Variants in RBFOX1 observed in about 807,000 individuals in gnomAD.
The protein encoded by RBFOX1 is RNA binding fox-1 homolog 1, also known as RNA binding protein fox-1 homolog 1.
In RBFOX1, 8 loss-of-function variants were observed where a neutral mutation model predicts 57.7. The ratio of observed to expected loss-of-function variants is 0.14; its 90% confidence interval spans 0.08 to 0.25. The LOEUF (loss-of-function observed/expected upper bound fraction) is 0.25, where lower values mean the gene tolerates loss of function less well. RBFOX1 is among the 10% of genes least tolerant of loss of function. The pLI, the probability that RBFOX1 is intolerant of heterozygous loss-of-function variation, is 1.00. For synonymous variants in RBFOX1, 326 were observed against 222.4 expected (o/e 1.47, Z -4.15); for missense variants, 611 against 548.5 (o/e 1.11, Z -1.14).
chr16:7,066,832 G>A (rs1265253574), intron 4 of RBFOX1, among the ~76,000 whole-genome samples: 2 of 152,142 alleles, frequency 1.3e-5, no homozygotes, highest in Non-Finnish European at 2.9e-5. Flanking sequence ...TGTCAACTCT[G>A]TCTTCCCAGC....
chr16:5,691,506 G>A (rs563374135), intron 3 of RBFOX1, among the ~76,000 whole-genome samples: 2 of 152,314 alleles, frequency 1.3e-5, no homozygotes, highest in South Asian at 2.1e-4. Context: ...ATTTGTGTGT[G>A]TGTACAGGTT....
At chr16:6,908,816 G>A (rs1321721484) in intron 3 of RBFOX1, among the ~76,000 whole-genome samples, 1 of 152,096 alleles carries the variant, frequency 6.6e-6, no homozygotes, top group African/African-American at 2.4e-5. Context: ...GATAAATGGA[G>A]GTGAGGTTGT....
intron 2 of RBFOX1, among the ~76,000 whole-genome samples, chr16:6,423,365 G>A (rs187901610): frequency 3.9e-5 from 6 of 152,264 alleles, no homozygotes; most frequent in East Asian, 3.9e-4. Context: ...TTGGGAGGCC[G>A]AGGCAGGCAG....
intron 4 of RBFOX1, among the ~76,000 whole-genome samples, chr16:7,109,064 GA>G (rs1342811745): frequency 2.0e-5 from 3 of 152,144 alleles, no homozygotes; most frequent in Non-Finnish European, 4.4e-5. Flanking sequence ...GCTAACTTCT[GA>G]AAATTTATTG....
chr16:7,245,762 C>T (rs1379610041), intron 4 of RBFOX1, among the ~76,000 whole-genome samples: 2 of 152,150 alleles, frequency 1.3e-5, no homozygotes, highest in South Asian at 2.1e-4. Flanking sequence ...AAAATAACTT[C>T]GGGTTGCCCT....
chr16:5,980,811 C>A (rs76912882), intron 4 of RBFOX1, among the ~76,000 whole-genome samples: 7 of 152,030 alleles, frequency 4.6e-5, no homozygotes, highest in Non-Finnish European at 8.8e-5. Context: ...CCTTTTAGCA[C>A]CAGAGGGAGC....
intron 4 of RBFOX1, among the ~76,000 whole-genome samples, chr16:7,449,152 C>T (rs1240119526): frequency 2.0e-5 from 3 of 152,078 alleles, no homozygotes; most frequent in South Asian, 2.1e-4. Context: ...TGGTCTCGAA[C>T]TCCCGACTTC....
intron 3 of RBFOX1, among the ~76,000 whole-genome samples, chr16:5,800,184 G>A (rs1259895221): frequency 1.3e-5 from 2 of 152,140 alleles, no homozygotes; most frequent in African/African-American, 2.4e-5. Flanking sequence ...AATATGCTAA[G>A]GGTAAGGGAA....
At chr16:5,505,942 G>C (rs1283250144) in intron 2 of RBFOX1, among the ~76,000 whole-genome samples, 1 of 152,100 alleles carries the variant, frequency 6.6e-6, no homozygotes, top group African/African-American at 2.4e-5. Flanking sequence ...CTCTGCTATA[G>C]ACTTTTTCTC....
At chr16:5,790,874 G>GTT (rs199561677) in intron 3 of RBFOX1, among the ~76,000 whole-genome samples, 1 of 137,812 alleles carries the variant, frequency 7.3e-6, no homozygotes, top group Non-Finnish European at 1.6e-5. Context: ...TTTTTTTTTT[G>GTT]TTTTTTTTTT....
intron 1 of RBFOX1, among the ~76,000 whole-genome samples, chr16:6,210,353 AAAAAC>A (rs2097286623): frequency 1.0e-5 from 1 of 96,646 alleles, no homozygotes; most frequent in African/African-American, 3.0e-5. Context: ...AACAAAAAAA[AAAAAC>A]ACCAAAAAAA....
intron 4 of RBFOX1, among the ~76,000 whole-genome samples, chr16:7,313,653 C>A (rs1005487573): frequency 6.6e-6 from 1 of 151,938 alleles, no homozygotes; most frequent in Admixed American, 6.6e-5. Context: ...TTATGGAGTG[C>A]TTTGTGACAA....
intron 2 of RBFOX1, among the ~76,000 whole-genome samples, chr16:6,495,101 C>T (rs554422975): frequency 3.3e-5 from 5 of 152,240 alleles, no homozygotes; most frequent in Non-Finnish European, 5.9e-5. Context: ...TCAATGTCCC[C>T]GCTTTCTTTT....
intron 4 of RBFOX1, among the ~76,000 whole-genome samples, chr16:7,433,158 T>C (rs1280082060): frequency 6.6e-6 from 1 of 152,216 alleles, no homozygotes; most frequent in African/African-American, 2.4e-5. Context: ...GATCCTCCCT[T>C]CTTTCCTTCT....
At chr16:7,367,789 A>T (rs1030809491) in intron 4 of RBFOX1, among the ~76,000 whole-genome samples, 2 of 152,120 alleles carry the variant, frequency 1.3e-5, no homozygotes, top group African/African-American at 4.8e-5. Flanking sequence ...GATATTTCAA[A>T]AGAAGGTAAA....
intron 4 of RBFOX1, among the ~76,000 whole-genome samples, chr16:7,188,506 G>C (rs1037898394): frequency 6.6e-6 from 1 of 152,308 alleles, no homozygotes; most frequent in South Asian, 2.1e-4. Context: ...GAAAGGAAAT[G>C]TTTTGCTGTG....
intron 1 of RBFOX1, among the ~76,000 whole-genome samples, chr16:5,456,084 T>C (rs1256797936): frequency 6.6e-6 from 1 of 152,090 alleles, no homozygotes; most frequent in Admixed American, 6.6e-5. Flanking sequence ...AGACAACTAA[T>C]GATAATATTA....
chr16:6,796,689 T>G (rs2084134450), intron 3 of RBFOX1, among the ~76,000 whole-genome samples: 1 of 152,186 alleles, frequency 6.6e-6, no homozygotes, highest in Non-Finnish European at 1.5e-5. Flanking sequence ...TACCAATTGG[T>G]AAGAGATTCT....
intron 2 of RBFOX1, among the ~76,000 whole-genome samples, chr16:6,493,213 A>G (rs1055878340): frequency 1.3e-5 from 2 of 152,198 alleles, no homozygotes; most frequent in Admixed American, 1.3e-4. Flanking sequence ...TGAGCCTTAG[A>G]AAAGATAAAA....
Sources: gnomAD v4.1 joint callset for allele counts (sites outside exome capture counted in the v4.1 genomes callset) on GRCh38, gnomAD v4.1.1 for gene constraint, MANE v1.5 for transcripts, NCBI Gene and HGNC (gene_info 2026-07-23, HGNC 2026-07-21) for gene names.